Variants in FARS2 observed in about 807,000 individuals in gnomAD.
FARS2 encodes phenylalanyl-tRNA synthetase 2, mitochondrial, also known as phenylalanine--tRNA ligase, mitochondrial.
A neutral mutation model predicts 46.4 loss-of-function variants in FARS2; 40 were observed. That is an observed-to-expected ratio of 0.86 (90% CI 0.67 to 1.12). The LOEUF is 1.12. FARS2 is among the 50% of genes most tolerant of loss of function. The pLI is 0.00. For missense variants in FARS2, 513 were observed against 567.9 expected, an observed-to-expected ratio of 0.90 and a Z score of 0.98; for synonymous variants, 234 against 214.9, an observed-to-expected ratio of 1.09 and a Z score of -0.78.
intron 1 of FARS2, among the ~76,000 whole-genome samples, chr6:5,306,474 G>A (rs185711055): frequency 2.6e-4 from 39 of 152,256 alleles, no homozygotes; most frequent in Admixed American, 8.5e-4. Flanking sequence ...TGTGAACCTC[G>A]TAAGCTGTCA....
chr6:5,531,741 C>A (rs572353161), intron 4 of FARS2, among the ~76,000 whole-genome samples: 4 of 152,100 alleles, frequency 2.6e-5, no homozygotes, highest in Non-Finnish European at 4.4e-5. Context: ...GTCAATCATC[C>A]GGTGGCGAGT....
chr6:5,304,226 G>C (rs1053946151), intron 1 of FARS2, among the ~76,000 whole-genome samples: 1 of 152,280 alleles, frequency 6.6e-6, no homozygotes, highest in South Asian at 2.1e-4. Flanking sequence ...TTTCATAGTT[G>C]TATCAGTTGT....
chr6:5,585,549 T>G (rs1285854116), intron 5 of FARS2, among the ~76,000 whole-genome samples: 1 of 152,046 alleles, frequency 6.6e-6, no homozygotes, highest in Admixed American at 6.6e-5. Context: ...AGATTTCTCA[T>G]GTAAGTGAGA....
chr6:5,478,679 A>G (rs893548873), intron 4 of FARS2, among the ~76,000 whole-genome samples: 3 of 152,196 alleles, frequency 2.0e-5, no homozygotes, highest in Middle Eastern at 3.2e-3. Context: ...CGGAACAACC[A>G]GCACCACCAT....
At chr6:5,314,657 T>G (rs866775078) in intron 1 of FARS2, among the ~76,000 whole-genome samples, 1 of 152,214 alleles carries the variant, frequency 6.6e-6, no homozygotes, top group Non-Finnish European at 1.5e-5. Context: ...ATAGCTCATT[T>G]GCATGAGACA....
intron 3 of FARS2, among the ~76,000 whole-genome samples, chr6:5,429,671 C>T (rs1203468779): frequency 1.3e-5 from 2 of 152,108 alleles, no homozygotes; most frequent in African/African-American, 4.8e-5. Flanking sequence ...ATTAGCCAGG[C>T]ATGATGACGC....
intron 1 of FARS2, among the ~76,000 whole-genome samples, chr6:5,330,233 AAT>A (rs139368548): frequency 6.6e-6 from 1 of 151,838 alleles, no homozygotes; most frequent in South Asian, 2.1e-4. Context: ...ACAGTCAGCA[AAT>A]ATATATATAT....
intron 6 of FARS2, among the ~76,000 whole-genome samples, chr6:5,628,058 TC>T (rs937125982): frequency 6.6e-6 from 1 of 152,204 alleles, no homozygotes; most frequent in African/African-American, 2.4e-5. Flanking sequence ...GTTGGTCATA[TC>T]CTATACAAAA....
chr6:5,468,890 T>C (rs1255702250), intron 4 of FARS2, among the ~76,000 whole-genome samples: 1 of 152,186 alleles, frequency 6.6e-6, no homozygotes, highest in Non-Finnish European at 1.5e-5. Context: ...AATGATGAAG[T>C]TTAAGGATTT....
intron 2 of FARS2, among the ~76,000 whole-genome samples, chr6:5,395,111 T>C (rs1760820871): frequency 6.6e-6 from 1 of 152,118 alleles, no homozygotes; most frequent in African/African-American, 2.4e-5. Context: ...AGTGCAATGG[T>C]GTGATCTTGG....
At chr6:5,675,742 T>C (rs1356876023) in intron 6 of FARS2, among the ~76,000 whole-genome samples, 1 of 152,204 alleles carries the variant, frequency 6.6e-6, no homozygotes, top group Non-Finnish European at 1.5e-5. Flanking sequence ...CAGTAAAAAT[T>C]TCAGAGGTGA....
chr6:5,396,745 G>C (rs998616636), intron 2 of FARS2, among the ~76,000 whole-genome samples: 1 of 152,222 alleles, frequency 6.6e-6, no homozygotes, highest in African/African-American at 2.4e-5. Flanking sequence ...GCTGCTGTCA[G>C]CAGCAGGGCA....
chr6:5,500,934 G>A (rs1302945669), intron 4 of FARS2, among the ~76,000 whole-genome samples: 2 of 3,242 alleles, frequency 6.2e-4, no homozygotes, highest in Non-Finnish European at 1.2e-3. Context: ...TCAAATCCCC[G>A]AGAGAGAGAG....
intron 6 of FARS2, chr6:5,665,185 A>ATTT (rs1778050832): frequency 6.6e-6 from 1 of 152,274 alleles, no homozygotes; most frequent in Non-Finnish European, 1.5e-5. Context: ...AAAAACCCCG[A>ATTT]TGGCCAGGAT....
At chr6:5,303,445 A>G (rs961814511) in intron 1 of FARS2, among the ~76,000 whole-genome samples, 3 of 152,070 alleles carry the variant, frequency 2.0e-5, no homozygotes, top group Admixed American at 6.5e-5. Flanking sequence ...GTCGGTTGCC[A>G]TCTGCTGGTT....
At chr6:5,752,507 G>A (rs561311991) in intron 6 of FARS2, among the ~76,000 whole-genome samples, 26 of 152,174 alleles carry the variant, frequency 1.7e-4, no homozygotes, top group Non-Finnish European at 2.6e-4. Context: ...CTATAGCAAA[G>A]TCTCGCTTCA....
chr6:5,652,013 G>A (rs993489968), intron 6 of FARS2, among the ~76,000 whole-genome samples: 4 of 152,150 alleles, frequency 2.6e-5, no homozygotes, highest in Admixed American at 2.0e-4. Context: ...AGTTTACTGT[G>A]GAGCTCAGTA....
intron 6 of FARS2, among the ~76,000 whole-genome samples, chr6:5,737,458 GA>G (rs1334242774): frequency 2.0e-5 from 3 of 152,238 alleles, no homozygotes; most frequent in Non-Finnish European, 2.9e-5. Context: ...TTGAACCCAG[GA>G]GGCGGAAGTT....
intron 1 of FARS2, among the ~76,000 whole-genome samples, chr6:5,336,384 A>G (rs1352624217): frequency 1.3e-5 from 2 of 152,164 alleles, no homozygotes; most frequent in East Asian, 1.9e-4. Context: ...ACTAGAAGCT[A>G]TGAGTCTTTT....
Sources: gnomAD v4.1 joint callset for allele counts (sites outside exome capture counted in the v4.1 genomes callset) on GRCh38, gnomAD v4.1.1 for gene constraint, MANE v1.5 for transcripts, NCBI Gene and HGNC (gene_info 2026-07-23, HGNC 2026-07-21) for gene names.